PTPRM: variants seen among roughly 807,000 people sequenced by gnomAD.
PTPRM encodes the protein receptor-type tyrosine-protein phosphatase mu.
In PTPRM, 47 loss-of-function variants were observed where a neutral mutation model predicts 186.7. The ratio of observed to expected loss-of-function variants is 0.25; its 90% CI spans 0.20 to 0.32. The LOEUF is 0.32. PTPRM is among the 10% of genes least tolerant of loss of function. The pLI is 1.00. For missense variants in PTPRM, 1,494 were observed against 1,865.0 expected (o/e 0.80, Z 3.66); for synonymous variants, 668 against 674.9 (o/e 0.99, Z 0.16).
intron 1 of PTPRM, among the ~76,000 whole-genome samples, chr18:7,583,380 C>G (rs2036895499): frequency 6.6e-6 from 1 of 152,134 alleles, no homozygotes; most frequent in African/African-American, 2.4e-5. Flanking sequence ...TCAGGATGTC[C>G]CATGGACAGT....
intron 19 of PTPRM, among the ~76,000 whole-genome samples, chr18:8,265,266 C>T (rs1268270333): frequency 2.0e-5 from 3 of 152,200 alleles, no homozygotes; most frequent in Non-Finnish European, 2.9e-5. Flanking sequence ...CAACATTGCT[C>T]CTCCCTGCTC....
intron 1 of PTPRM, among the ~76,000 whole-genome samples, chr18:7,631,636 GA>G (rs1420283574): frequency 6.6e-6 from 1 of 152,058 alleles, no homozygotes; most frequent in Non-Finnish European, 1.5e-5. Context: ...AAAACATTAT[GA>G]TTTTTTTTGC....
At chr18:7,864,915 C>T (rs988535492) in intron 2 of PTPRM, among the ~76,000 whole-genome samples, 2 of 152,134 alleles carry the variant, frequency 1.3e-5, no homozygotes, top group African/African-American at 4.8e-5. Flanking sequence ...TCCTTCACAT[C>T]CCTTCTAAGT....
chr18:7,848,821 CAGTG>C (rs1289058051), intron 2 of PTPRM, among the ~76,000 whole-genome samples: 1 of 152,158 alleles, frequency 6.6e-6, no homozygotes, highest in East Asian at 1.9e-4. Context: ...CTACTTTACA[CAGTG>C]AGAGTAAGCC....
chr18:8,209,446 A>G (rs1448118620), intron 14 of PTPRM, among the ~76,000 whole-genome samples: 2 of 152,148 alleles, frequency 1.3e-5, no homozygotes, highest in Non-Finnish European at 2.9e-5. Context: ...ACAAAGATGG[A>G]TTTGCCATTT....
intron 1 of PTPRM, among the ~76,000 whole-genome samples, chr18:7,720,556 T>A (rs1172996468): frequency 6.6e-6 from 1 of 152,184 alleles, no homozygotes; most frequent in African/African-American, 2.4e-5. Flanking sequence ...TAGTGTTTTG[T>A]CATATTGTTG....
intron 1 of PTPRM, among the ~76,000 whole-genome samples, chr18:7,686,701 C>G (rs1286541586): frequency 1.3e-5 from 2 of 151,994 alleles, no homozygotes; most frequent in African/African-American, 4.8e-5. Flanking sequence ...CTATTTGTTG[C>G]ATGATAATGG....
chr18:8,395,687 G>A (rs767808783), intron 32 of PTPRM, among the ~76,000 whole-genome samples: 3 of 152,148 alleles, frequency 2.0e-5, no homozygotes, highest in Non-Finnish European at 2.9e-5. Flanking sequence ...TCAGCTGTTA[G>A]CATGTTGGCT....
At chr18:8,155,842 T>C (rs16952952) in intron 14 of PTPRM, among the ~76,000 whole-genome samples, 6,690 of 152,284 alleles carry the variant, frequency 0.044, 327 homozygotes, top group African/African-American at 0.12. Context: ...GAAAATAGCT[T>C]AGGTCTGGAT....
chr18:7,816,944 AC>A (rs1181002662), intron 2 of PTPRM, among the ~76,000 whole-genome samples: 4 of 151,322 alleles, frequency 2.6e-5, no homozygotes, highest in Non-Finnish European at 4.4e-5. Flanking sequence ...TGAGAAGAAA[AC>A]GTCTTTTATT....
At chr18:7,878,577 T>G (rs977181589) in intron 2 of PTPRM, among the ~76,000 whole-genome samples, 1 of 152,212 alleles carries the variant, frequency 6.6e-6, no homozygotes, top group Non-Finnish European at 1.5e-5. Flanking sequence ...CACTAGCAAG[T>G]GTTTGAATGT....
intron 7 of PTPRM, among the ~76,000 whole-genome samples, chr18:7,984,577 A>ATC (rs2082733021): frequency 1.2e-5 from 1 of 84,490 alleles, no homozygotes; most frequent in Non-Finnish European, 2.3e-5. Flanking sequence ...TGCCCCATAT[A>ATC]TATATATATA....
At chr18:8,155,797 T>G (rs999947290) in intron 14 of PTPRM, among the ~76,000 whole-genome samples, 1 of 152,202 alleles carries the variant, frequency 6.6e-6, no homozygotes, top group East Asian at 1.9e-4. Context: ...GTGAGGTAGT[T>G]TCTTTCCACT....
At chr18:7,849,871 A>G (rs138746414) in intron 2 of PTPRM, among the ~76,000 whole-genome samples, 3 of 152,232 alleles carry the variant, frequency 2.0e-5, no homozygotes, top group Non-Finnish European at 4.4e-5. Flanking sequence ...ACAGCATGGT[A>G]TGTAAGATGC....
chr18:7,899,734 T>G (rs1476269348), intron 3 of PTPRM, among the ~76,000 whole-genome samples: 1 of 152,238 alleles, frequency 6.6e-6, no homozygotes, highest in Non-Finnish European at 1.5e-5. Context: ...TCTCAGTAGT[T>G]TACAGTGTCT....
At chr18:7,650,640 A>G (rs927776399) in intron 1 of PTPRM, among the ~76,000 whole-genome samples, 16 of 152,180 alleles carry the variant, frequency 1.1e-4, no homozygotes, top group Admixed American at 1.3e-4. Flanking sequence ...TAGAAGGAAG[A>G]CTCTTATAGG....
chr18:7,732,066 G>A (rs574432389), intron 1 of PTPRM, among the ~76,000 whole-genome samples: 62 of 152,306 alleles, frequency 4.1e-4, no homozygotes, highest in African/African-American at 1.5e-3. Flanking sequence ...GTTAGGATTT[G>A]ATCCAGCCCA....
Position 8,240,751 on chromosome 18 carries a change from C to T in PTPRM, c.2301-3307C>T, listed in dbSNP as rs374765620. 3.2e-4 allele frequency among the ~76,000 whole-genome samples: 36 copies of T among 112,002 alleles called. 1 individual carries two copies. The highest frequency in any genetic ancestry group is 7.1e-4 in the Admixed American group (6 of 8,506). 73.5% of individuals were successfully genotyped at this position (112,002 alleles called of 152,430 possible). A position where few individuals can be genotyped will look rare whatever the true frequency, so the allele number is the denominator to read the frequency against. Reference sequence around the variant, plus strand: ...AAGAAATTGAAAGTTTGTGGCAACCCGCGAGGGAGGGAGGGAGAGAGAGAG... The same window carrying T: ...AAGAAATTGAAAGTTTGTGGCAACCTGCGAGGGAGGGAGGGAGAGAGAGAG... On this transcript the variant is annotated intron_variant, in intron 14 of 32. Coordinates refer to ENST00000580170, the MANE Select transcript of PTPRM (RefSeq NM_001105244.2).
intron 7 of PTPRM, among the ~76,000 whole-genome samples, chr18:8,061,342 A>T (rs1171788773): frequency 7.4e-6 from 1 of 135,982 alleles, no homozygotes; most frequent in African/African-American, 2.9e-5. Context: ...TTTTGAGCCT[A>T]TGTGTGTCTC....
Sources: allele counts gnomAD v4.1 joint callset (sites outside exome capture counted in the v4.1 genomes callset), GRCh38; gene constraint gnomAD v4.1.1; transcripts MANE v1.5; gene names NCBI Gene and HGNC (gene_info 2026-07-23, HGNC 2026-07-21).